ARPIN: variants seen among roughly 807,000 people sequenced by gnomAD.
The protein encoded by ARPIN is actin related protein 2/3 complex inhibitor.
A neutral mutation model predicts 25.9 loss-of-function variants in ARPIN; 23 were observed. That is an observed-to-expected ratio of 0.89 (90% CI 0.64 to 1.26). The LOEUF (loss-of-function observed/expected upper bound fraction) is 1.26, where lower values mean the gene tolerates loss of function less well. Ranked by LOEUF, ARPIN falls within the 50% of genes most tolerant of loss-of-function variation. The pLI, the probability that ARPIN is intolerant of heterozygous loss-of-function variation, is 0.00. For missense variants in ARPIN, 333 were observed against 312.2 expected, an observed-to-expected ratio of 1.07 and a Z score of -0.50; for synonymous variants, 126 against 131.4, an observed-to-expected ratio of 0.96 and a Z score of 0.28.
At position 89,901,625 on chromosome 15, in the gene ARPIN, T is replaced by G; in HGVS notation, c.*170A>C. On this transcript the variant is annotated 3_prime_UTR_variant, in exon 6 of 6. Transcript: ENST00000357484. ...GGCCCCACCACCAACACAGTGGTCA[T>G]GGGTTTGGTTTTAGCAGAGCTTGTT... 6.7e-6 allele frequency: 5 copies of G among 746,958 alleles called. No individual in the cohort carries two copies. Among genetic ancestry groups the G allele is most frequent in the Non-Finnish European group, 1.1e-5 (5 of 450,340 alleles). 46.3% of individuals were successfully genotyped at this position (746,958 alleles called of 1,614,324 possible).
At chr15:89,908,139 T>C in intron 3 of ARPIN, 141 bp downstream of exon 3, 1 of 1,365,322 alleles carries the variant, frequency 7.3e-7, no homozygotes, top group Non-Finnish European at 9.7e-7. Context: ...GGGGTGGATG[T>C]GGAAGCCTCA....
intron 2 of ARPIN, among the ~76,000 whole-genome samples, chr15:89,910,114 T>C (rs1018828768): frequency 6.6e-6 from 1 of 152,116 alleles, no homozygotes; most frequent in Non-Finnish European, 1.5e-5. Context: ...TGCTGAGCTG[T>C]TCTCATGGGG....
intron 5 of ARPIN, 29 bp downstream of exon 5, chr15:89,903,187 A>C (rs1219652816): frequency 1.2e-6 from 2 of 1,614,124 alleles, no homozygotes; most frequent in South Asian, 1.1e-5. Flanking sequence ...CTGCCAGGAG[A>C]TACAACTGCA....
At chr15:89,907,385 AG>A (rs1897140182) in intron 3 of ARPIN, among the ~76,000 whole-genome samples, 1 of 152,176 alleles carries the variant, frequency 6.6e-6, no homozygotes, top group African/African-American at 2.4e-5. Context: ...TTTTTAAAAA[AG>A]AAAAAAAATC....
chr15:89,912,655 C>A, intron 1 of ARPIN, 89 bp downstream of exon 1: 1 of 1,237,446 alleles, frequency 8.1e-7, no homozygotes. Context: ...AGTTTTCCCC[C>A]ACCCGCATCC....
chr15:89,912,663 T>TGGGGGG, intron 1 of ARPIN, 81 bp downstream of exon 1: 19 of 870,980 alleles, frequency 2.2e-5, no homozygotes, highest in East Asian at 1.0e-4. Context: ...CCCACCCGCA[T>TGGGGGG]CCCACCCCCC....
chr15:89,912,940 CG>C lies in ARPIN; in HGVS notation c.-106del. ...GCGGGGACCCGCGATTCCCAGCCGG[CG>C]GATCCGGGAATGGCGCGGCCCGGCC... On this transcript the variant is annotated 5_prime_UTR_variant, in exon 1 of 6. Coordinates refer to ENST00000357484, the MANE Select transcript of ARPIN (RefSeq NM_182616.4). The C allele has an allele frequency of 7.3e-7, 1 of 1,362,798 alleles. No individual in the cohort carries two copies. Among genetic ancestry groups the C allele is most frequent in the Non-Finnish European group, 9.5e-7 (1 of 1,052,548 alleles). The allele number at this position is 1,362,798 out of a possible 1,614,324, so 84.4% of individuals were successfully genotyped here. A position where few individuals can be genotyped will look rare whatever the true frequency, so the allele number is the denominator to read the frequency against.
chr15:89,911,749 A>G (rs190850681), intron 1 of ARPIN, among the ~76,000 whole-genome samples: 2 of 152,274 alleles, frequency 1.3e-5, no homozygotes, highest in Admixed American at 1.3e-4. Context: ...GAAATTGTTT[A>G]TTCTATAACT....
intron 4 of ARPIN, 150 bp from the exon 5 acceptor site, chr15:89,903,529 C>T: frequency 4.2e-6 from 6 of 1,419,374 alleles, no homozygotes; most frequent in South Asian, 2.7e-5. Context: ...GGGTGGGACC[C>T]CCAAGGTATG....
chr15:89,903,509 A>G (rs1897061937), intron 4 of ARPIN, 130 bp from the exon 5 acceptor site: 13 of 1,483,082 alleles, frequency 8.8e-6, no homozygotes, highest in East Asian at 6.8e-5. Context: ...GATGTGGTCA[A>G]TGAGCCCCTG....
chr15:89,912,588 C>T, intron 1 of ARPIN, 156 bp downstream of exon 1: 1 of 1,341,064 alleles, frequency 7.5e-7, no homozygotes, highest in Non-Finnish European at 9.5e-7. Context: ...GCAGGGGCGC[C>T]GGGAGCGGCG....
chr15:89,902,378 A>G (rs1360059602), intron 5 of ARPIN, among the ~76,000 whole-genome samples: 1 of 152,190 alleles, frequency 6.6e-6, no homozygotes, highest in African/African-American at 2.4e-5. Context: ...ATTGCACTCC[A>G]GCCTGGGCAA....
At position 89,903,427 on chromosome 15, in the gene ARPIN, C is replaced by G. The variant is rs1383119480; in HGVS notation, c.509-48G>C. On this transcript the variant is annotated intron_variant, in intron 4 of 5. Coordinates refer to ENST00000357484, the MANE Select transcript of ARPIN (RefSeq NM_182616.4). ...ATGTCCTCTGTCCCTGTGGCAGAAACATAGTGAGGGCTGGGCCCATTATGG... is the reference window on the plus strand; with the variant it reads ...ATGTCCTCTGTCCCTGTGGCAGAAAGATAGTGAGGGCTGGGCCCATTATGG... The G allele has an allele frequency of 1.9e-6, 3 of 1,610,242 alleles. No homozygotes were observed. In the African/African-American group the frequency reaches 4.0e-5, roughly 21 times the overall value.
intron 5 of ARPIN, 104 bp downstream of exon 5, chr15:89,903,112 G>C: frequency 1.2e-6 from 2 of 1,607,926 alleles, no homozygotes; most frequent in Non-Finnish European, 1.7e-6. Context: ...CTAAAGCTGG[G>C]GGGTAAGATT....
At chr15:89,911,434 G>A (rs1470737283) in intron 1 of ARPIN, among the ~76,000 whole-genome samples, 2 of 152,026 alleles carry the variant, frequency 1.3e-5, no homozygotes, top group Admixed American at 6.6e-5. Flanking sequence ...CTGGCTTCTC[G>A]ACTCTGGTTT....
Position 89,901,621 on chromosome 15 carries a change from G to A in ARPIN, c.*174C>T. The A allele has an allele frequency of 1.4e-6, 1 of 735,212 alleles. No individual in the cohort carries two copies. Among genetic ancestry groups the A allele is most frequent in the Non-Finnish European group, 2.3e-6 (1 of 439,094 alleles). 45.5% of individuals were successfully genotyped at this position (735,212 alleles called of 1,614,324 possible). On this transcript the variant is annotated 3_prime_UTR_variant, in exon 6 of 6. Transcript: ENST00000357484. The stretch of plus-strand genomic sequence containing the variant: ...ATGAGGCCCCACCACCAACACAGTG[G>A]TCATGGGTTTGGTTTTAGCAGAGCT...
In ARPIN at chr15:89,912,934, A is replaced by T; in HGVS notation, c.-99T>A. 7.2e-7 allele frequency: 1 copy of T among 1,379,320 alleles called. No individual in the cohort carries two copies. The highest frequency in any genetic ancestry group is 9.4e-7 in the Non-Finnish European group (1 of 1,066,496). 85.4% of individuals were successfully genotyped at this position (1,379,320 alleles called of 1,614,324 possible). A position where few individuals can be genotyped will look rare whatever the true frequency, so the allele number is the denominator to read the frequency against. On this transcript the variant is annotated 5_prime_UTR_variant, in exon 1 of 6. Coordinates refer to ENST00000357484, the MANE Select transcript of ARPIN (RefSeq NM_182616.4). ...GGACGCGCGGGGACCCGCGATTCCCAGCCGGCGGATCCGGGAATGGCGCGG... is the reference window on the plus strand; with the variant it reads ...GGACGCGCGGGGACCCGCGATTCCCTGCCGGCGGATCCGGGAATGGCGCGG...
Position 89,898,477 on chromosome 15 carries a change from CCT to C in ARPIN, c.*3316_*3317del, listed in dbSNP as rs1251729986. ...AAATGTGGGAAATACGTAATCATAC[CCT>C]GTCCTGAAGAGTTACAGTAAATGTT... On this transcript the variant is annotated 3_prime_UTR_variant, in exon 6 of 6. Transcript: ENST00000357484. 2.0e-5 allele frequency: 3 copies of C among 152,132 alleles called. No homozygotes were observed. Among genetic ancestry groups the C allele is most frequent in the Non-Finnish European group, 4.4e-5 (3 of 68,032 alleles). The allele number at this position is 152,132 out of a possible 1,614,324, so 9.4% of individuals were successfully genotyped here.
chr15:89,908,798 A>G (rs765773538), intron 2 of ARPIN, among the ~76,000 whole-genome samples: 5 of 152,100 alleles, frequency 3.3e-5, no homozygotes, highest in African/African-American at 4.8e-5. Context: ...CCTGGCCAGC[A>G]TGGTGAAACC....
Sources: allele counts gnomAD v4.1 joint callset (sites outside exome capture counted in the v4.1 genomes callset), GRCh38; gene constraint gnomAD v4.1.1; transcripts MANE v1.5; gene names NCBI Gene and HGNC (gene_info 2026-07-23, HGNC 2026-07-21).